Variants in TLE3 observed in about 807,000 individuals in gnomAD.
TLE3 encodes TLE family member 3, transcriptional corepressor.
TLE3 carries 14 observed loss-of-function variants against 93.0 expected under a neutral mutation model. That is an observed-to-expected ratio of 0.15 (90% CI 0.10 to 0.24). TLE3 has a LOEUF of 0.24. TLE3 is among the 10% of genes least tolerant of loss of function. The pLI is 1.00. For synonymous variants in TLE3, 451 were observed against 425.0 expected (o/e 1.06, Z -0.75); for missense variants, 693 against 1,046.6 (o/e 0.66, Z 4.66).
chr15:70,057,708 G>A (rs1367604196), intron 12 of TLE3, 50 bp from the exon 13 acceptor site: 2 of 1,533,004 alleles, frequency 1.3e-6, no homozygotes, highest in Admixed American at 3.9e-5. Context: ...ATTGGGACAT[G>A]GCCATGGCCG....
In TLE3 at chr15:70,057,677, A is replaced by G; in HGVS notation, c.1052-19T>C. ...GCCGAGGCTGCGAGGGGTGGGCGTC[A>G]GGGAGGTGGGCCTTAGGTGGATTGG... On this transcript the variant is annotated intron_variant, in intron 12 of 19. Transcript: ENST00000451782. The G allele has an allele frequency of 6.4e-7, 1 of 1,552,766 alleles. No individual in the cohort carries two copies. Among genetic ancestry groups the G allele is most frequent in the South Asian group, 1.2e-5 (1 of 85,174 alleles).
chr15:70,087,744 C>T (rs577186981), intron 4 of TLE3, among the ~76,000 whole-genome samples: 4 of 152,328 alleles, frequency 2.6e-5, no homozygotes, highest in South Asian at 2.1e-4. Flanking sequence ...CTCTCTTCTC[C>T]CTTCACAGGA....
intron 4 of TLE3, among the ~76,000 whole-genome samples, chr15:70,079,683 T>C (rs1283621151): frequency 1.3e-5 from 2 of 151,888 alleles, no homozygotes; most frequent in African/African-American, 4.8e-5. Flanking sequence ...TGTTTATTTT[T>C]TGGAGGGTGG....
At chr15:70,089,186 CG>C (rs1344562043) in intron 4 of TLE3, among the ~76,000 whole-genome samples, 3 of 152,212 alleles carry the variant, frequency 2.0e-5, no homozygotes, top group Non-Finnish European at 2.9e-5. Flanking sequence ...CTTTCAGACT[CG>C]CGCCAAGCAA....
intron 4 of TLE3, among the ~76,000 whole-genome samples, chr15:70,076,805 C>T (rs538128173): frequency 1.1e-4 from 16 of 152,266 alleles, no homozygotes; most frequent in Admixed American, 2.0e-4. Flanking sequence ...ACTGCAGCCT[C>T]GACTTCCTGG....
rs781224352 is a variant in TLE3 at position 70,057,576 on chromosome 15, G to A, written c.1134C>T (p.Gly378=). 51 of 1,600,262 alleles carry A rather than the reference G, an allele frequency of 3.2e-5. No individual in the cohort carries two copies. The highest frequency in any genetic ancestry group is 4.2e-5 in the Non-Finnish European group (49 of 1,174,276). Residue 378 remains glycine, a synonymous_variant, in exon 13 of 20, where the codon GGC becomes GGT. Coordinates refer to ENST00000451782, the MANE Select transcript of TLE3 (RefSeq NM_001105192.3). The stretch of plus-strand genomic sequence containing the variant: ...CGTAGGCGCCAGGACTGGTGAGGGA[G>A]CCGTTCATCTCATGGTGGCTCATCA... ...FAMMSHHEMN[G]SLTSPGAYAG...
rs753232161 is a variant in TLE3, at chr15:70,058,829, T to C, written c.766-14A>G. 2 of 1,555,526 alleles carry C rather than the reference T, an allele frequency of 1.3e-6. No homozygotes were observed. Among genetic ancestry groups the C allele is most frequent in the Non-Finnish European group, 1.7e-6 (2 of 1,154,262 alleles). Reference sequence around the variant, plus strand: ...CGTTGCGGGGTCCTGAAAACACAAGTGATGCAGAGATGCACTGAAAGCAAC... The same window carrying C: ...CGTTGCGGGGTCCTGAAAACACAAGCGATGCAGAGATGCACTGAAAGCAAC... On this transcript the variant is annotated splice_polypyrimidine_tract_variant and intron_variant, in intron 10 of 19. Transcript: ENST00000451782. This position sits in a 1 kb window ranked among gnomAD's most constrained non-coding sequence, Gnocchi z 4.1.
chr15:70,096,945 G>A lies in TLE3; in HGVS notation c.-147C>T. On this transcript the variant is annotated 5_prime_UTR_variant, in exon 1 of 20. Transcript: ENST00000451782. ...GGCCCCCCCAGCTCGTTCTCGCAGC[G>A]AAATCCCAGAGTCGGGCGCCCGCCC... 1.1e-6 allele frequency: 1 copy of A among 941,314 alleles called. No homozygotes were observed. The highest frequency in any genetic ancestry group is 1.6e-6 in the Non-Finnish European group (1 of 616,802). The allele number at this position is 941,314 out of a possible 1,614,324, so 58.3% of individuals were successfully genotyped here. A position where few individuals can be genotyped will look rare whatever the true frequency, so the allele number is the denominator to read the frequency against.
intron 4 of TLE3, among the ~76,000 whole-genome samples, chr15:70,078,131 A>G (rs1331647915): frequency 6.6e-6 from 1 of 152,212 alleles, no homozygotes; most frequent in African/African-American, 2.4e-5. Context: ...ATTACTAAAT[A>G]ATCATTATAT....
intron 1 of TLE3, chr15:70,096,499 C>A (rs1219363634): frequency 1.7e-6 from 2 of 1,186,836 alleles, no homozygotes; most frequent in East Asian, 5.1e-5. Flanking sequence ...AAGGCGGGGG[C>A]GGGAGACAAG....
chr15:70,071,401 G>C (rs1412079842), intron 6 of TLE3, among the ~76,000 whole-genome samples: 3 of 152,102 alleles, frequency 2.0e-5, no homozygotes, highest in Non-Finnish European at 4.4e-5. Flanking sequence ...GGTTCCCTCT[G>C]TCTGTCTTTC....
At chr15:70,080,261 C>T (rs1344614978) in intron 4 of TLE3, among the ~76,000 whole-genome samples, 1 of 152,160 alleles carries the variant, frequency 6.6e-6, no homozygotes, top group Non-Finnish European at 1.5e-5. Flanking sequence ...GCTTTTGAGC[C>T]AGGTCTTCAG....
chr15:70,056,921 G>T (rs1050330283), intron 13 of TLE3, among the ~76,000 whole-genome samples: 14 of 152,020 alleles, frequency 9.2e-5, no homozygotes, highest in Non-Finnish European at 1.5e-4. Context: ...GCTAATTTTT[G>T]TATTTTTAGT....
intron 4 of TLE3, among the ~76,000 whole-genome samples, chr15:70,081,130 C>T (rs1242659550): frequency 6.6e-6 from 1 of 152,216 alleles, no homozygotes; most frequent in Non-Finnish European, 1.5e-5. Context: ...TCCAATTCTG[C>T]CTCCATTTAG....
At chr15:70,073,604 C>T (rs1193280509) in intron 6 of TLE3, among the ~76,000 whole-genome samples, 1 of 152,236 alleles carries the variant, frequency 6.6e-6, no homozygotes, top group Non-Finnish European at 1.5e-5. Context: ...ACCTCTGGGG[C>T]AAGTGCCCCT....
chr15:70,086,496 G>C (rs898275205), intron 4 of TLE3, among the ~76,000 whole-genome samples: 3 of 152,168 alleles, frequency 2.0e-5, no homozygotes, highest in African/African-American at 7.2e-5. Flanking sequence ...GGCTGACCAG[G>C]AAGGGAGAGC....
At chr15:70,081,017 T>C (rs923621498) in intron 4 of TLE3, among the ~76,000 whole-genome samples, 2 of 152,198 alleles carry the variant, frequency 1.3e-5, no homozygotes, top group African/African-American at 4.8e-5. Flanking sequence ...GAATGCACAA[T>C]TCCTTTTAAC....
At chr15:70,065,017 G>A (rs2056728318) in intron 7 of TLE3, among the ~76,000 whole-genome samples, 1 of 151,786 alleles carries the variant, frequency 6.6e-6, no homozygotes, top group Admixed American at 6.6e-5. Context: ...CTCTGAAACT[G>A]TGCCCAGCTA....
Position 70,058,930 on chromosome 15 carries a change from A to G in TLE3, c.766-115T>C. 1 of 1,378,810 alleles carries G rather than the reference A, an allele frequency of 7.3e-7. No individual in the cohort carries two copies. Among genetic ancestry groups the G allele is most frequent in the Non-Finnish European group, 9.5e-7 (1 of 1,052,242 alleles). 85.4% of individuals were successfully genotyped at this position (1,378,810 alleles called of 1,614,324 possible). A position where few individuals can be genotyped will look rare whatever the true frequency, so the allele number is the denominator to read the frequency against. On this transcript the variant is annotated intron_variant, in intron 10 of 19. Coordinates refer to ENST00000451782, the MANE Select transcript of TLE3 (RefSeq NM_001105192.3). This position sits in a 1 kb window ranked among gnomAD's most constrained non-coding sequence, Gnocchi z 4.1. ...GGCGATGGGAAGACGAGCTTGGCTG[A>G]AAGACTGGGGGCCCCACAGTGAGGA...
Sources: allele counts gnomAD v4.1 joint callset (sites outside exome capture counted in the v4.1 genomes callset), GRCh38; gene constraint gnomAD v4.1.1; non-coding constraint Gnocchi (gnomAD v3.1); transcripts MANE v1.5; gene names NCBI Gene and HGNC (gene_info 2026-07-23, HGNC 2026-07-21).